The following PTPRD variants were observed in gnomAD, a reference collection of about 807,000 sequenced individuals.
PTPRD encodes receptor-type tyrosine-protein phosphatase delta.
PTPRD carries 34 observed loss-of-function variants against 214.5 expected under a neutral mutation model. That is an observed-to-expected ratio of 0.16 (90% CI 0.12 to 0.21). The LOEUF is 0.21. PTPRD is among the 10% of genes least tolerant of loss of function. The pLI is 1.00. For missense variants in PTPRD, 2,545 were observed against 2,398.7 expected, an observed-to-expected ratio of 1.06 and a Z score of -1.27; for synonymous variants, 1,128 against 845.7, an observed-to-expected ratio of 1.33 and a Z score of -5.79.
Position 8,507,283 on chromosome 9 carries a change from G to A in PTPRD, c.1677+18C>T. On this transcript the variant is annotated intron_variant, in intron 22 of 45. Transcript: ENST00000381196. ...ACGTAATGAATAATTCCCAAGGTGAGAAGCACTATAGTCTTACCTCCTCTC... is the reference window on the plus strand; with the variant it reads ...ACGTAATGAATAATTCCCAAGGTGAAAAGCACTATAGTCTTACCTCCTCTC... The A allele has an allele frequency of 6.2e-6, 10 of 1,606,346 alleles. No individual in the cohort carries two copies. Among genetic ancestry groups the A allele is most frequent in the Non-Finnish European group, 8.5e-6 (10 of 1,176,962 alleles).
At position 8,484,174 on chromosome 9, in the gene PTPRD, A is replaced by G. The variant is rs753060733; in HGVS notation, c.3358T>C (p.Leu1120=). 4 of 1,614,124 alleles carry G rather than the reference A, an allele frequency of 2.5e-6. No individual in the cohort carries two copies. Among genetic ancestry groups the G allele is most frequent in the African/African-American group, 1.3e-5 (1 of 75,020 alleles). The stretch of plus-strand genomic sequence containing the variant: ...AGTTGCACAGTAATCATGCCATCCA[A>G]GTTGGTCTTCCCAATGAAGGCAGGC... The part of the protein sequence containing the change: ...TKPAFIGKTN[L]DGMITVQLPE... Residue 1120 remains leucine (L), a synonymous_variant, in exon 30 of 46, where the codon TTG becomes CTG. Transcript: ENST00000381196.
At chr9:10,530,929 C>A (rs2056066321) in intron 2 of PTPRD, among the ~76,000 whole-genome samples, 1 of 151,604 alleles carries the variant, frequency 6.6e-6, no homozygotes, top group Non-Finnish European at 1.5e-5. Flanking sequence ...TCGATACAGA[C>A]AATGGATGCT....
chr9:8,662,459 A>G (rs756776134), intron 12 of PTPRD, among the ~76,000 whole-genome samples: 2 of 152,202 alleles, frequency 1.3e-5, no homozygotes, highest in Non-Finnish European at 2.9e-5. Flanking sequence ...TACAACAGGG[A>G]AGAGATGACA....
chr9:10,503,540 A>G (rs1221154364), intron 2 of PTPRD, among the ~76,000 whole-genome samples: 2 of 152,124 alleles, frequency 1.3e-5, no homozygotes, highest in Non-Finnish European at 2.9e-5. Context: ...AGAAAAAGAT[A>G]TTTAACCTAA....
intron 10 of PTPRD, among the ~76,000 whole-genome samples, chr9:9,076,890 T>C (rs1026936055): frequency 1.3e-5 from 2 of 151,836 alleles, no homozygotes; most frequent in South Asian, 2.1e-4. Flanking sequence ...CTGTTCTCCA[T>C]AGTGATTGTA....
At chr9:8,587,648 C>A (rs1248696005) in intron 14 of PTPRD, among the ~76,000 whole-genome samples, 1 of 151,868 alleles carries the variant, frequency 6.6e-6, no homozygotes, top group East Asian at 1.9e-4. Flanking sequence ...CTCTTATATC[C>A]CAAAAGGAAA....
chr9:9,927,519 C>T (rs1267395411), intron 5 of PTPRD, among the ~76,000 whole-genome samples: 1 of 152,096 alleles, frequency 6.6e-6, no homozygotes, highest in East Asian at 1.9e-4. Context: ...ACAAAAATTA[C>T]TGGTCTGTCT....
At chr9:8,617,271 G>A (rs1014262616) in intron 14 of PTPRD, among the ~76,000 whole-genome samples, 1 of 152,092 alleles carries the variant, frequency 6.6e-6, no homozygotes, top group Non-Finnish European at 1.5e-5. Flanking sequence ...CTGGGAGAAT[G>A]AAGATGTCTA....
chr9:9,975,026 A>T (rs2095300317), intron 4 of PTPRD, among the ~76,000 whole-genome samples: 1 of 151,022 alleles, frequency 6.6e-6, no homozygotes, highest in African/African-American at 2.5e-5. Context: ...TCAAAATTTG[A>T]GATTTTCTAA....
At chr9:9,275,089 ATGT>A (rs1569566658) in intron 9 of PTPRD, among the ~76,000 whole-genome samples, 12 of 68,824 alleles carry the variant, frequency 1.7e-4, no homozygotes, top group Non-Finnish European at 2.5e-4. Context: ...TATAATATAT[ATGT>A]TATATATATA....
At chr9:10,542,480 T>C (rs1355851731) in intron 2 of PTPRD, among the ~76,000 whole-genome samples, 1 of 152,214 alleles carries the variant, frequency 6.6e-6, no homozygotes. Flanking sequence ...AAATACATTT[T>C]GTTGAATTTT....
At chr9:9,358,423 A>G (rs891987854) in intron 9 of PTPRD, among the ~76,000 whole-genome samples, 1 of 151,360 alleles carries the variant, frequency 6.6e-6, no homozygotes, top group African/African-American at 2.4e-5. Flanking sequence ...ATGTATATCT[A>G]TAATACTTTA....
At chr9:10,496,930 T>G (rs115748265) in intron 2 of PTPRD, among the ~76,000 whole-genome samples, 1,623 of 152,122 alleles carry the variant, frequency 0.011, 26 homozygotes, top group African/African-American at 0.036. Context: ...GTTGATAGTT[T>G]ATTTTTCTGT....
At chr9:10,275,112 G>A (rs1247537107) in intron 3 of PTPRD, among the ~76,000 whole-genome samples, 1 of 152,130 alleles carries the variant, frequency 6.6e-6, no homozygotes, top group Non-Finnish European at 1.5e-5. Flanking sequence ...GTCTTCACAA[G>A]GATAGCACAT....
intron 8 of PTPRD, among the ~76,000 whole-genome samples, chr9:9,453,945 G>A (rs2092625953): frequency 6.6e-6 from 1 of 151,574 alleles, no homozygotes; most frequent in Admixed American, 6.6e-5. Flanking sequence ...TCTAAAAAAT[G>A]TCTTTCCAGT....
chr9:8,656,672 C>A (rs78378314), intron 12 of PTPRD, among the ~76,000 whole-genome samples: 13,425 of 152,230 alleles, frequency 0.088, 705 homozygotes, highest in East Asian at 0.18. Context: ...CAGGGTCCAG[C>A]TAGGGAAGCT....
intron 7 of PTPRD, among the ~76,000 whole-genome samples, chr9:9,629,725 T>A (rs1440136523): frequency 6.6e-6 from 1 of 151,996 alleles, no homozygotes; most frequent in Non-Finnish European, 1.5e-5. Context: ...GAGAGGAAAA[T>A]GTCTTTTGGG....
At chr9:8,674,062 C>G (rs972160562) in intron 12 of PTPRD, among the ~76,000 whole-genome samples, 1 of 152,036 alleles carries the variant, frequency 6.6e-6, no homozygotes, top group Non-Finnish European at 1.5e-5. Context: ...ATTGCTGGAG[C>G]TAAGACGGAA....
At chr9:9,144,651 G>C (rs1400172469) in intron 10 of PTPRD, among the ~76,000 whole-genome samples, 1 of 152,080 alleles carries the variant, frequency 6.6e-6, no homozygotes, top group East Asian at 1.9e-4. Context: ...TACTCCGGAG[G>C]TTGAAGCACG....
Sources: allele counts gnomAD v4.1 joint callset (sites outside exome capture counted in the v4.1 genomes callset), GRCh38; gene constraint gnomAD v4.1.1; transcripts MANE v1.5; gene names NCBI Gene and HGNC (gene_info 2026-07-23, HGNC 2026-07-21).